Variants in PGPEP1 observed in about 807,000 individuals in gnomAD.
PGPEP1 encodes the protein pyroglutamyl-peptidase 1.
PGPEP1 carries 15 observed loss-of-function variants against 24.1 expected under a neutral mutation model. The observed-to-expected ratio is 0.62, with a 90% CI of 0.42 to 0.96. PGPEP1 has a LOEUF of 0.96. Ranked by LOEUF, PGPEP1 falls within the 40% of genes least tolerant of loss-of-function variation. The pLI, the probability that PGPEP1 is intolerant of heterozygous loss-of-function variation, is 0.00. For missense variants in PGPEP1, 242 were observed against 273.4 expected (o/e 0.89, Z 0.81); for synonymous variants, 122 against 116.4 (o/e 1.05, Z -0.31).
At chr19:18,358,407 T>C (rs1376774601) in intron 4 of PGPEP1, among the ~76,000 whole-genome samples, 1 of 151,526 alleles carries the variant, frequency 6.6e-6, no homozygotes, top group Non-Finnish European at 1.5e-5. Flanking sequence ...ATTATAGGCA[T>C]GCACCACCAC....
At chr19:18,357,981 A>C in intron 4 of PGPEP1, 1 of 284,146 alleles carries the variant, frequency 3.5e-6, no homozygotes, top group Non-Finnish European at 6.9e-6. Flanking sequence ...GTGGTTTCAT[A>C]TAACAGAAAT....
chr19:18,363,338 C>A, intron 4 of PGPEP1, 53 bp from the exon 5 acceptor site: 2 of 1,477,716 alleles, frequency 1.4e-6, no homozygotes, highest in Non-Finnish European at 1.9e-6. Context: ...CTACGGATTG[C>A]CCCTCTGACC....
At chr19:18,357,245 A>G (rs931053700) in intron 3 of PGPEP1, 138 bp from the exon 4 acceptor site, 15 of 634,380 alleles carry the variant, frequency 2.4e-5, no homozygotes, top group Admixed American at 1.8e-4. Flanking sequence ...TGCAGGGTCT[A>G]TTCTAGCAGC....
chr19:18,341,421 C>G (rs1256542886), intron 1 of PGPEP1, among the ~76,000 whole-genome samples: 1 of 152,188 alleles, frequency 6.6e-6, no homozygotes, highest in African/African-American at 2.4e-5. Flanking sequence ...ACGTGGGGCG[C>G]CAACTTCCGC....
Position 18,366,361 on chromosome 19 carries a change from C to G in PGPEP1, c.*2778C>G, listed in dbSNP as rs574786974. 6.6e-6 allele frequency: 1 copy of G among 152,090 alleles called. No individual in the cohort carries two copies. Among genetic ancestry groups the G allele is most frequent in the Non-Finnish European group, 1.5e-5 (1 of 68,038 alleles). 9.4% of individuals were successfully genotyped at this position (152,090 alleles called of 1,614,324 possible). On this transcript the variant is annotated 3_prime_UTR_variant, in exon 5 of 5. Transcript: ENST00000269919. Reference sequence around the variant, plus strand: ...TGCTCATTGTCACGTGTGTGTGTGTCATCTTTGTATTCTTGCAGTGGTTTC... The same window carrying G: ...TGCTCATTGTCACGTGTGTGTGTGTGATCTTTGTATTCTTGCAGTGGTTTC...
Position 18,367,662 on chromosome 19 carries a change from G to A in PGPEP1, c.*4079G>A, listed in dbSNP as rs188417620. 215 of 152,450 alleles carry A rather than the reference G, an allele frequency of 1.4e-3. 2 individuals carry two copies. Among genetic ancestry groups the A allele is most frequent in the Non-Finnish European group, 3.5e-4 (24 of 68,150 alleles). 9.4% of individuals were successfully genotyped at this position (152,450 alleles called of 1,614,324 possible). On this transcript the variant is annotated 3_prime_UTR_variant, in exon 5 of 5. Transcript: ENST00000269919. ...AGGAAGAAGCAGGAATTCAAGGTGG[G>A]TGGGCTGAGCTTGGGGCCACCTAGC...
chr19:18,357,706 C>T, intron 4 of PGPEP1, 91 bp downstream of exon 4: 2 of 881,644 alleles, frequency 2.3e-6, no homozygotes, highest in South Asian at 3.0e-5. Context: ...TGACCTTGGC[C>T]TCTTTGGACC....
chr19:18,353,012 G>C (rs937356902), intron 2 of PGPEP1, among the ~76,000 whole-genome samples: 1 of 151,816 alleles, frequency 6.6e-6, no homozygotes, highest in Non-Finnish European at 1.5e-5. Flanking sequence ...CTGCCTCCCA[G>C]GTTCAAGCCA....
At chr19:18,343,858 A>G (rs1336734578) in intron 2 of PGPEP1, among the ~76,000 whole-genome samples, 1 of 151,252 alleles carries the variant, frequency 6.6e-6, no homozygotes, top group Non-Finnish European at 1.5e-5. Context: ...ACTTTTTTCT[A>G]TTTTTAGTAG....
intron 2 of PGPEP1, among the ~76,000 whole-genome samples, chr19:18,351,624 CA>C (rs538291645): frequency 0.13 from 9,929 of 78,050 alleles, 1,055 homozygotes; most frequent in African/African-American, 0.35. Flanking sequence ...AACTCCGTCT[CA>C]AAAAAAAAAA....
intron 2 of PGPEP1, among the ~76,000 whole-genome samples, chr19:18,346,891 C>T (rs1381266978): frequency 1.3e-5 from 2 of 151,976 alleles, no homozygotes; most frequent in Non-Finnish European, 1.5e-5. Context: ...TCGCCCACCT[C>T]GGCCTCCCAA....
chr19:18,350,855 G>A (rs2144548119), intron 2 of PGPEP1, among the ~76,000 whole-genome samples: 1 of 152,238 alleles, frequency 6.6e-6, no homozygotes, highest in South Asian at 2.1e-4. Context: ...AGCCCTGGAG[G>A]TCAAGGCTGC....
chr19:18,354,976 T>C (rs1037021952), intron 2 of PGPEP1, among the ~76,000 whole-genome samples: 14 of 145,590 alleles, frequency 9.6e-5, no homozygotes, highest in African/African-American at 3.6e-4. Context: ...TTTTTTTTTT[T>C]TTTTTTTTTT....
intron 2 of PGPEP1, among the ~76,000 whole-genome samples, chr19:18,354,963 T>C (rs76997744): frequency 3.0e-4 from 31 of 104,302 alleles, no homozygotes; most frequent in African/African-American, 1.8e-3. Flanking sequence ...AGTCGATACT[T>C]TTTTTTTTTT....
At chr19:18,356,437 A>G (rs1971187959) in intron 3 of PGPEP1, among the ~76,000 whole-genome samples, 1 of 148,154 alleles carries the variant, frequency 6.7e-6, no homozygotes, top group Non-Finnish European at 1.5e-5. Flanking sequence ...TGTCTCAAAA[A>G]AAACAAAAAA....
rs1971456353 is a variant in PGPEP1 at position 18,364,151 on chromosome 19, CTCTTT to C, written c.*570_*574del. 1 of 45,200 alleles carries C rather than the reference CTCTTT, an allele frequency of 2.2e-5. No homozygotes were observed. Among genetic ancestry groups the C allele is most frequent in the East Asian group, 1.2e-3 (1 of 814 alleles). The allele number at this position is 45,200 out of a possible 1,614,324, so 2.8% of individuals were successfully genotyped here. ...TTCTTGCTTTCTTTCTTCTCTCTCT[CTCTTT>C]TTTTTTTTTTTTAAATAGTGCTAGT... On this transcript the variant is annotated 3_prime_UTR_variant, in exon 5 of 5. Coordinates refer to ENST00000269919, the MANE Select transcript of PGPEP1 (RefSeq NM_017712.4).
At chr19:18,343,339 G>A (rs1433554325) in intron 2 of PGPEP1, among the ~76,000 whole-genome samples, 1 of 152,104 alleles carries the variant, frequency 6.6e-6, no homozygotes, top group Non-Finnish European at 1.5e-5. Flanking sequence ...TCTCTTCCTG[G>A]ATGGTAACCA....
In PGPEP1 at chr19:18,355,910, G is replaced by A. The variant is rs1365188382; in HGVS notation, c.103G>A (p.Gly35Ser). The part of the protein sequence containing the change: ...WIAVQELEKL[G>S]LGDSVDLHVY... ...TCTCTTCCAGGAGCTAGAAAAGCTA[G>A]GCCTTGGCGACAGCGTGGACCTGCA... The change falls in exon 3 of 5, where the codon GGC becomes AGC. Residue 35 changes from glycine (G) to serine (S), a missense_variant. Coordinates refer to ENST00000269919, the MANE Select transcript of PGPEP1 (RefSeq NM_017712.4). 6.2e-7 allele frequency: 1 copy of A among 1,612,266 alleles called. No individual in the cohort carries two copies.
rs142273350 is a variant in PGPEP1, at chr19:18,352,647, C to T, written c.88-3248C>T. ...GGGCTCGCACTGCAACCTCCACCTC[C>T]CAGATTCAAGCCATTCTCATGCCTC... On this transcript the variant is annotated intron_variant, in intron 2 of 4. Transcript: ENST00000269919. Among the ~76,000 whole-genome samples the T allele has an allele frequency of 2.5e-3, 373 of 151,878 alleles. 2 individuals carry two copies. The highest frequency in any genetic ancestry group is 8.7e-3 in the African/African-American group (359 of 41,432).
Sources: gnomAD v4.1 joint callset for allele counts (sites outside exome capture counted in the v4.1 genomes callset) on GRCh38, gnomAD v4.1.1 for gene constraint, MANE v1.5 for transcripts, NCBI Gene and HGNC (gene_info 2026-07-23, HGNC 2026-07-21) for gene names.